Variants in CAMTA1 observed in about 807,000 individuals in gnomAD.
CAMTA1 encodes the protein calmodulin binding transcription activator 1, also known as calmodulin-binding transcription activator 1.
In CAMTA1, 27 loss-of-function variants were observed where a neutral mutation model predicts 170.9. That is an observed-to-expected ratio of 0.16 (90% CI 0.12 to 0.22). The LOEUF is 0.22. Among genes scored for constraint, CAMTA1 ranks in the 10% least tolerant of loss-of-function variants. The pLI, the probability that CAMTA1 is intolerant of heterozygous loss-of-function variation, is 1.00. For synonymous variants in CAMTA1, 833 were observed against 891.5 expected (o/e 0.93, Z 1.17); for missense variants, 1,619 against 2,217.2 (o/e 0.73, Z 5.42).
chr1:6,847,543 GT>G (rs879864516), intron 3 of CAMTA1, among the ~76,000 whole-genome samples: 84 of 138,234 alleles, frequency 6.1e-4, no homozygotes, highest in Non-Finnish European at 7.8e-4. Flanking sequence ...TTTAAATTTT[GT>G]TTTTTTTTTT....
At chr1:6,857,469 C>A (rs1662872908) in intron 3 of CAMTA1, among the ~76,000 whole-genome samples, 1 of 152,156 alleles carries the variant, frequency 6.6e-6, no homozygotes, top group African/African-American at 2.4e-5. Context: ...ACAAACAAAA[C>A]CAAAGCAGTT....
chr1:7,412,517 G>T (rs2090851857), intron 5 of CAMTA1, among the ~76,000 whole-genome samples: 1 of 152,222 alleles, frequency 6.6e-6, no homozygotes, highest in Non-Finnish European at 1.5e-5. Context: ...CAGTGATGGT[G>T]AGCATTGTTT....
At chr1:6,838,382 C>T (rs1280296184) in intron 3 of CAMTA1, among the ~76,000 whole-genome samples, 2 of 152,286 alleles carry the variant, frequency 1.3e-5, no homozygotes, top group East Asian at 1.9e-4. Context: ...AGGGAATTCA[C>T]TCCTGTCTAA....
At chr1:6,857,815 G>A (rs1442280485) in intron 3 of CAMTA1, among the ~76,000 whole-genome samples, 1 of 152,166 alleles carries the variant, frequency 6.6e-6, no homozygotes, top group Non-Finnish European at 1.5e-5. Flanking sequence ...CATGTGCCGA[G>A]TGCACTGTAA....
At chr1:7,287,584 C>T (rs1176963681) in intron 5 of CAMTA1, among the ~76,000 whole-genome samples, 1 of 151,926 alleles carries the variant, frequency 6.6e-6, no homozygotes, top group Non-Finnish European at 1.5e-5. Context: ...CCTTCTTCTT[C>T]TTCTTCTTCA....
rs1340792399 is a variant in CAMTA1 at position 7,664,318 on chromosome 1, T to A, written c.1771T>A (p.Ser591Thr). The A allele has an allele frequency of 7.4e-6, 12 of 1,613,164 alleles. No homozygotes were observed. Among genetic ancestry groups the A allele is most frequent in the Non-Finnish European group, 1.0e-5 (12 of 1,180,010 alleles). Reference sequence around the variant, plus strand: ...GCAGATGGACTTCAGCGCCATCGACTCCAACAAGGACTACACGTCCAGCTT... The same window carrying A: ...GCAGATGGACTTCAGCGCCATCGACACCAACAAGGACTACACGTCCAGCTT... ...LEQMDFSAID[S>T]NKDYTSSFSQ... is the part of the protein sequence containing the mutation. The change falls in exon 9 of 23, where the codon TCC (serine) becomes ACC (threonine). Residue 591 changes from serine to threonine, a missense_variant. Coordinates refer to ENST00000303635, the MANE Select transcript of CAMTA1 (RefSeq NM_015215.4).
chr1:6,997,659 TC>T (rs200069229), intron 3 of CAMTA1, among the ~76,000 whole-genome samples: 2,092 of 139,142 alleles, frequency 0.015, 95 homozygotes, highest in African/African-American at 0.032. Context: ...TTCTTTTCTT[TC>T]TTTTTTTTTT....
intron 6 of CAMTA1, among the ~76,000 whole-genome samples, chr1:7,584,969 T>C (rs1305543835): frequency 1.3e-5 from 2 of 152,214 alleles, no homozygotes; most frequent in African/African-American, 4.8e-5. Flanking sequence ...CTTTGCATTT[T>C]AGAAACAGAA....
At position 7,673,777 on chromosome 1, in the gene CAMTA1, G is replaced by C. The variant is rs1367020580; in HGVS notation, c.2779+2740G>C. 1.3e-4 allele frequency among the ~76,000 whole-genome samples: 19 copies of C among 143,298 alleles called. No individual in the cohort carries two copies. The allele number at this position is 143,298 out of a possible 152,430, so 94.0% of individuals were successfully genotyped here. A position where few individuals can be genotyped will look rare whatever the true frequency, so the allele number is the denominator to read the frequency against. ...TTGGAACACATTGCTCTGTAAAACAGCACTGGATGTATTAATTCATTCATT... is the reference window on the plus strand; with the variant it reads ...TTGGAACACATTGCTCTGTAAAACACCACTGGATGTATTAATTCATTCATT... On this transcript the variant is annotated intron_variant, in intron 10 of 22. Transcript: ENST00000303635. This position sits in a 1 kb window ranked among gnomAD's most constrained non-coding sequence, Gnocchi z 4.6.
chr1:6,792,922 G>A (rs78315876), intron 1 of CAMTA1, among the ~76,000 whole-genome samples: 6 of 152,034 alleles, frequency 3.9e-5, no homozygotes, highest in Non-Finnish European at 7.4e-5. Flanking sequence ...TGAAAGAAAC[G>A]TTTGGGGCTG....
At chr1:7,356,443 G>A (rs2085119151) in intron 5 of CAMTA1, among the ~76,000 whole-genome samples, 1 of 152,226 alleles carries the variant, frequency 6.6e-6, no homozygotes, top group Non-Finnish European at 1.5e-5. Flanking sequence ...GTGATCTTGA[G>A]TGAGACCTGC....
chr1:6,964,151 G>A (rs1476484133), intron 3 of CAMTA1, among the ~76,000 whole-genome samples: 1 of 151,842 alleles, frequency 6.6e-6, no homozygotes, highest in African/African-American at 2.4e-5. Flanking sequence ...GTGTCTTGAG[G>A]ATCTGGGTAG....
At chr1:6,806,099 C>T (rs908756614) in intron 1 of CAMTA1, among the ~76,000 whole-genome samples, 1 of 152,080 alleles carries the variant, frequency 6.6e-6, no homozygotes, top group Non-Finnish European at 1.5e-5. Context: ...GTTGTCCTAG[C>T]CCATTTGTTG....
chr1:6,930,632 C>A (rs878896), intron 3 of CAMTA1, among the ~76,000 whole-genome samples: 1 of 152,122 alleles, frequency 6.6e-6, no homozygotes, highest in African/African-American at 2.4e-5. Flanking sequence ...CTGTACCCCC[C>A]TTTGTCCTAA....
At chr1:6,853,591 TA>T (rs1440874085) in intron 3 of CAMTA1, among the ~76,000 whole-genome samples, 1 of 152,152 alleles carries the variant, frequency 6.6e-6, no homozygotes, top group Non-Finnish European at 1.5e-5. Flanking sequence ...AGTCTATCAG[TA>T]ATTATATTAA....
chr1:7,359,925 G>T (rs2085411630), intron 5 of CAMTA1, among the ~76,000 whole-genome samples: 1 of 152,110 alleles, frequency 6.6e-6, no homozygotes, highest in African/African-American at 2.4e-5. Context: ...GTTCTGAAGG[G>T]TGAAAGTCTC....
At chr1:6,905,229 T>C (rs1465560087) in intron 3 of CAMTA1, among the ~76,000 whole-genome samples, 3 of 144,972 alleles carry the variant, frequency 2.1e-5, no homozygotes, top group Non-Finnish European at 4.5e-5. Context: ...GTTTTGTTCC[T>C]GTTGCCCAGG....
chr1:7,405,941 T>C (rs2090252544), intron 5 of CAMTA1, among the ~76,000 whole-genome samples: 1 of 152,156 alleles, frequency 6.6e-6, no homozygotes, highest in African/African-American at 2.4e-5. Context: ...GTTGGGGATT[T>C]GGGGGATTTT....
chr1:6,941,435 G>T (rs1686600684), intron 3 of CAMTA1, among the ~76,000 whole-genome samples: 1 of 152,200 alleles, frequency 6.6e-6, no homozygotes, highest in Admixed American at 6.5e-5. Flanking sequence ...CAGCAAGGAA[G>T]CCGTGACCGG....
Sources: gnomAD v4.1 joint callset for allele counts (sites outside exome capture counted in the v4.1 genomes callset) on GRCh38, gnomAD v4.1.1 for gene constraint, Gnocchi (gnomAD v3.1) non-coding constraint, MANE v1.5 for transcripts, NCBI Gene and HGNC (gene_info 2026-07-23, HGNC 2026-07-21) for gene names.